The following MACROD2 variants were observed in gnomAD, a reference collection of about 807,000 sequenced individuals.
MACROD2 encodes the protein mono-ADP ribosylhydrolase 2.
MACROD2 carries 36 observed loss-of-function variants against 70.4 expected under a neutral mutation model. The ratio of observed to expected loss-of-function variants is 0.51; its 90% CI spans 0.39 to 0.68. The LOEUF is 0.68. Ranked by LOEUF, MACROD2 falls within the 30% of genes least tolerant of loss-of-function variation. The probability of loss-of-function intolerance (pLI) is 0.00; values close to 1 mark genes in which losing one functional copy is unlikely to be tolerated. For missense variants in MACROD2, 496 were observed against 538.4 expected, an observed-to-expected ratio of 0.92 and a Z score of 0.78; for synonymous variants, 172 against 178.8, an observed-to-expected ratio of 0.96 and a Z score of 0.30.
In MACROD2 at chr20:15,665,706, A is replaced by G. The variant is rs2049887807; in HGVS notation, c.645+165859A>G. Among the ~76,000 whole-genome samples, 3 of 152,334 alleles carry G rather than the reference A, an allele frequency of 2.0e-5. No individual in the cohort carries two copies. In the South Asian group the frequency reaches 6.2e-4, roughly 32 times the overall value. ...CCATGGGAAGGAAGATGGTGCATCA[A>G]GCCATACTTGAAGCTTGAAGTGTCC... On this transcript the variant is annotated intron_variant, in intron 8 of 17. Coordinates refer to ENST00000684519, the MANE Select transcript of MACROD2 (RefSeq NM_001351661.2).
intron 8 of MACROD2, among the ~76,000 whole-genome samples, chr20:15,644,878 C>T (rs1432407908): frequency 2.6e-5 from 4 of 152,158 alleles, no homozygotes; most frequent in Middle Eastern, 3.4e-3. Context: ...TTAGTAGAGA[C>T]GGAGTTTCAC....
chr20:14,943,837 A>G (rs2074409282), intron 5 of MACROD2, among the ~76,000 whole-genome samples: 1 of 152,192 alleles, frequency 6.6e-6, no homozygotes. Flanking sequence ...AGTATCGTTC[A>G]GTCAGAAGTT....
At chr20:15,351,675 G>A (rs1014261802) in intron 6 of MACROD2, among the ~76,000 whole-genome samples, 1 of 152,170 alleles carries the variant, frequency 6.6e-6, no homozygotes, top group African/African-American at 2.4e-5. Context: ...ACCTGAAGGT[G>A]TTTTTGGGGA....
intron 3 of MACROD2, among the ~76,000 whole-genome samples, chr20:14,148,497 T>C (rs1423736392): frequency 1.3e-5 from 2 of 152,318 alleles, no homozygotes; most frequent in Non-Finnish European, 2.9e-5. Flanking sequence ...AATGTTATTG[T>C]ATTATTTTGA....
chr20:15,867,367 T>A (rs1447723942), intron 9 of MACROD2, among the ~76,000 whole-genome samples: 1 of 152,086 alleles, frequency 6.6e-6, no homozygotes, highest in African/African-American at 2.4e-5. Context: ...CAGCATCGAA[T>A]TTTTTTTCAA....
At chr20:14,515,464 C>CACACAT (rs1555798334) in intron 4 of MACROD2, among the ~76,000 whole-genome samples, 4 of 27,238 alleles carry the variant, frequency 1.5e-4, no homozygotes, top group African/African-American at 2.8e-4. Context: ...TACACACACA[C>CACACAT]GCACACACAC....
chr20:15,511,655 G>A (rs2047501631), intron 8 of MACROD2, among the ~76,000 whole-genome samples: 1 of 152,134 alleles, frequency 6.6e-6, no homozygotes. Context: ...TATATATTTT[G>A]CAACATAAAT....
chr20:15,716,194 G>A (rs6043480), intron 8 of MACROD2, among the ~76,000 whole-genome samples: 4,646 of 152,134 alleles, frequency 0.031, 233 homozygotes, highest in African/African-American at 0.1. Context: ...CCAAATATCC[G>A]CTTAAAAAAT....
chr20:15,504,431 G>A (rs929123249), intron 8 of MACROD2, among the ~76,000 whole-genome samples: 3 of 152,082 alleles, frequency 2.0e-5, no homozygotes, highest in African/African-American at 4.8e-5. Context: ...AAATGACTTA[G>A]AACTGAAAAA....
chr20:14,353,906 T>C, intron 3 of MACROD2, among the ~76,000 whole-genome samples: 1 of 152,122 alleles, frequency 6.6e-6, no homozygotes, highest in African/African-American at 2.4e-5. Context: ...TTAAAAAATA[T>C]CATCAGGAGG....
At position 14,441,845 on chromosome 20, in the gene MACROD2, G is replaced by C. The variant is rs118062473; in HGVS notation, c.272-51634G>C. 1.4e-3 allele frequency among the ~76,000 whole-genome samples: 215 copies of C among 151,694 alleles called. 7 individuals are homozygous for C. In the East Asian group the frequency reaches 0.034, roughly 24 times the overall value. On this transcript the variant is annotated intron_variant, in intron 3 of 17. Coordinates refer to ENST00000684519, the MANE Select transcript of MACROD2 (RefSeq NM_001351661.2). ...TAGTTATCATTATCACTGAGAGTGT[G>C]CTGTTACAATGTTGATAGTGATGTA...
At chr20:15,366,585 G>A (rs920665411) in intron 6 of MACROD2, among the ~76,000 whole-genome samples, 1 of 152,094 alleles carries the variant, frequency 6.6e-6, no homozygotes, top group Non-Finnish European at 1.5e-5. Flanking sequence ...GTCTTACTCT[G>A]TTGCCCAGGC....
chr20:14,996,537 A>T (rs1419679149), intron 5 of MACROD2, among the ~76,000 whole-genome samples: 1 of 152,178 alleles, frequency 6.6e-6, no homozygotes, highest in Non-Finnish European at 1.5e-5. Context: ...CTTCATGAGA[A>T]CCGAAAATTA....
At chr20:15,398,294 G>A (rs1354516543) in intron 6 of MACROD2, among the ~76,000 whole-genome samples, 2 of 152,144 alleles carry the variant, frequency 1.3e-5, no homozygotes, top group Non-Finnish European at 2.9e-5. Flanking sequence ...TCATTCTCTT[G>A]ATTTTTTATA....
At chr20:14,439,320 C>T (rs748858819) in intron 3 of MACROD2, among the ~76,000 whole-genome samples, 3 of 152,082 alleles carry the variant, frequency 2.0e-5, no homozygotes, top group African/African-American at 2.4e-5. Context: ...AATTTTAAAT[C>T]GGGCAGTGTG....
Position 14,151,582 on chromosome 20 carries a change from A to G in MACROD2, c.271+65854A>G, listed in dbSNP as rs116963673. Among the ~76,000 whole-genome samples the G allele has an allele frequency of 7.9e-5, 12 of 152,230 alleles. No individual in the cohort carries two copies. The East Asian group carries it at 1.2e-3, about 15-fold the overall frequency. The stretch of plus-strand genomic sequence containing the variant: ...CCGCTTACTGTAAAGAATGTTACCT[A>G]TAAGTATTGTATTTTGATTTAGATT... On this transcript the variant is annotated intron_variant, in intron 3 of 17. Transcript: ENST00000684519.
intron 3 of MACROD2, among the ~76,000 whole-genome samples, chr20:14,462,938 C>T (rs1226137542): frequency 1.3e-5 from 2 of 151,938 alleles, no homozygotes; most frequent in African/African-American, 2.4e-5. Context: ...GTTACTGTAG[C>T]CTTGTAGTAT....
intron 3 of MACROD2, among the ~76,000 whole-genome samples, chr20:14,276,348 A>G (rs1161264643): frequency 1.3e-5 from 2 of 149,492 alleles, no homozygotes; most frequent in Non-Finnish European, 3.0e-5. Context: ...GAAATTGGAA[A>G]TCATCATTCT....
At chr20:14,578,872 G>GT (rs1980795319) in intron 4 of MACROD2, among the ~76,000 whole-genome samples, 1 of 152,044 alleles carries the variant, frequency 6.6e-6, no homozygotes, top group Admixed American at 6.6e-5. Flanking sequence ...TGTGACTCTG[G>GT]TTTATGTGAC....
Sources: allele counts gnomAD v4.1 joint callset (sites outside exome capture counted in the v4.1 genomes callset), GRCh38; gene constraint gnomAD v4.1.1; transcripts MANE v1.5; gene names NCBI Gene and HGNC (gene_info 2026-07-23, HGNC 2026-07-21).